Variants in C5orf47 observed in about 807,000 individuals in gnomAD.
The protein encoded by C5orf47 is chromosome 5 open reading frame 47.
A neutral mutation model predicts 20.6 loss-of-function variants in C5orf47; 20 were observed. The ratio of observed to expected loss-of-function variants is 0.97; its 90% CI spans 0.68 to 1.41. C5orf47 has a LOEUF of 1.41. Ranked by LOEUF, C5orf47 falls within the 40% of genes most tolerant of loss-of-function variation. The probability of loss-of-function intolerance (pLI) is 0.00; values close to 1 mark genes in which losing one functional copy is unlikely to be tolerated. For synonymous variants in C5orf47, 106 were observed against 97.3 expected, an observed-to-expected ratio of 1.09 and a Z score of -0.53; for missense variants, 262 against 238.4, an observed-to-expected ratio of 1.10 and a Z score of -0.65.
chr5:173,997,274 A>G (rs891719377), intron 1 of C5orf47, among the ~76,000 whole-genome samples: 2 of 152,150 alleles, frequency 1.3e-5, no homozygotes, highest in Non-Finnish European at 1.5e-5. Flanking sequence ...AAGGTGGGGA[A>G]GGGTTGAGGT....
At chr5:174,007,579 AC>A (rs1182303816), downstream of C5orf47, among the ~76,000 whole-genome samples, 4 of 121,938 alleles carry the variant, frequency 3.3e-5, no homozygotes, top group African/African-American at 7.7e-5. Context: ...TTTTTTTGAG[AC>A]GGAGTCTCGC....
intron 1 of C5orf47, among the ~76,000 whole-genome samples, chr5:173,990,657 C>T (rs1261645210): frequency 6.6e-6 from 1 of 151,972 alleles, no homozygotes; most frequent in Non-Finnish European, 1.5e-5. Flanking sequence ...AGGTTGATCT[C>T]GAAATCTTGA....
At chr5:173,998,858 T>G (rs1759145911) in intron 2 of C5orf47, among the ~76,000 whole-genome samples, 2 of 152,214 alleles carry the variant, frequency 1.3e-5, no homozygotes, top group African/African-American at 2.4e-5. Flanking sequence ...TTGTGTTGTT[T>G]CTGAGCTTTG....
chr5:174,003,777 A>G (rs1187969974), intron 4 of C5orf47, among the ~76,000 whole-genome samples: 1 of 152,172 alleles, frequency 6.6e-6, no homozygotes, highest in Non-Finnish European at 1.5e-5. Context: ...GGAGACATGA[A>G]ATTCGCAGGA....
chr5:174,001,084 AATT>A, intron 3 of C5orf47, 109 bp from the exon 4 acceptor site: 2 of 714,192 alleles, frequency 2.8e-6, no homozygotes, highest in Non-Finnish European at 4.8e-6. Context: ...TAAAACTAAT[AATT>A]ATGTTTAAAA....
downstream of C5orf47, among the ~76,000 whole-genome samples, chr5:174,007,545 G>A: frequency 6.7e-6 from 1 of 149,814 alleles, no homozygotes; most frequent in African/African-American, 2.5e-5. Flanking sequence ...TCAGGGCTAT[G>A]TTAACTCTCC....
At chr5:174,006,860 A>T (rs1759300016), downstream of C5orf47, among the ~76,000 whole-genome samples, 2 of 152,234 alleles carry the variant, frequency 1.3e-5, no homozygotes, top group African/African-American at 4.8e-5. Flanking sequence ...ATTGACTGAT[A>T]GCCCAGCTGT....
intron 1 of C5orf47, among the ~76,000 whole-genome samples, chr5:173,991,608 T>G (rs1357517385): frequency 6.6e-6 from 1 of 152,142 alleles, no homozygotes; most frequent in Non-Finnish European, 1.5e-5. Flanking sequence ...TAATATGGAA[T>G]GTAATATAAA....
chr5:174,006,341 G>A (rs141110564), downstream of C5orf47, among the ~76,000 whole-genome samples: 370 of 152,340 alleles, frequency 2.4e-3, no homozygotes, highest in Non-Finnish European at 4.2e-3. Context: ...GTTGTGCAGG[G>A]AAGGGAGGGA....
At chr5:174,000,792 G>T (rs965414731) in intron 3 of C5orf47, among the ~76,000 whole-genome samples, 2 of 152,036 alleles carry the variant, frequency 1.3e-5, no homozygotes, top group Non-Finnish European at 2.9e-5. Context: ...GGTGGGGGGT[G>T]GATAGGAAAA....
Position 174,005,924 on chromosome 5 carries a change from G to A in C5orf47, c.*1670G>A, listed in dbSNP as rs894113450. 2.6e-5 allele frequency: 4 copies of A among 152,212 alleles called. No individual in the cohort carries two copies. Among genetic ancestry groups the A allele is most frequent in the Admixed American group, 6.6e-5 (1 of 15,238 alleles). The allele number at this position is 152,212 out of a possible 1,614,324, so 9.4% of individuals were successfully genotyped here. A position where few individuals can be genotyped will look rare whatever the true frequency, so the allele number is the denominator to read the frequency against. On this transcript the variant is annotated 3_prime_UTR_variant, in exon 5 of 5. Coordinates refer to ENST00000340147, the MANE Select transcript of C5orf47 (RefSeq NM_001144954.2). ...AATGAAGACTCCCACTGAAATGAAT[G>A]TTCTAAATATTTGTTCTAAATCTTT...
At chr5:174,001,695 A>G (rs951732424) in intron 4 of C5orf47, among the ~76,000 whole-genome samples, 1 of 151,964 alleles carries the variant, frequency 6.6e-6, no homozygotes, top group Non-Finnish European at 1.5e-5. Flanking sequence ...CTCACTTACC[A>G]TATTTACCTT....
At position 173,989,440 on chromosome 5, in the gene C5orf47, G is replaced by A; in HGVS notation, c.177G>A (p.Ala59=). 6.5e-7 allele frequency: 1 copy of A among 1,549,600 alleles called. No homozygotes were observed. Among genetic ancestry groups the A allele is most frequent in the Non-Finnish European group, 8.7e-7 (1 of 1,146,010 alleles). ...AGGAGAAGCCGAGGGAAGCAATGGC[G>A]GTGGCGGGCGTTCAGGGTGGCAGCG... is the stretch of plus-strand genomic sequence containing the variant. ...CRQEKPREAM[A]VAGVQGGSEL... Residue 59 remains alanine, a synonymous_variant, in exon 1 of 5, where the codon GCG becomes GCA. Coordinates refer to ENST00000340147, the MANE Select transcript of C5orf47 (RefSeq NM_001144954.2).
At chr5:173,994,790 T>G (rs978101167) in intron 1 of C5orf47, among the ~76,000 whole-genome samples, 6 of 152,266 alleles carry the variant, frequency 3.9e-5, no homozygotes, top group African/African-American at 1.4e-4. Context: ...TAGGTTTTAC[T>G]CAGTCTTGGG....
rs1759189729 is a variant in C5orf47, at chr5:174,001,196, G to A, written c.512G>A (p.Ser171Asn). The change falls in exon 4 of 5, where the codon AGC (serine) becomes AAC (asparagine). Residue 171 changes from serine (S) to asparagine (N), a missense_variant and splice_region_variant. By Grantham distance (46) the Ser-to-Asn change is conservative. Transcript: ENST00000340147. ...TCCTTATTTTTTATGTTGTTTGCAG[G>A]CTCAAATTACACAAGATGAATCTTC... ...RLKCQRLSSE[S>N]SNYTR 1.3e-6 allele frequency: 2 copies of A among 1,517,108 alleles called. No individual in the cohort carries two copies. The highest frequency in any genetic ancestry group is 1.8e-6 in the Non-Finnish European group (2 of 1,119,840). 94.0% of individuals were successfully genotyped at this position (1,517,108 alleles called of 1,614,324 possible).
At chr5:174,001,551 ATCT>A (rs1052841405) in intron 4 of C5orf47, among the ~76,000 whole-genome samples, 7 of 151,926 alleles carry the variant, frequency 4.6e-5, no homozygotes, top group Non-Finnish European at 7.4e-5. Flanking sequence ...TGAGGGCAGA[ATCT>A]TCTTCTTTTC....
chr5:174,007,404 G>A (rs981865693), downstream of C5orf47, among the ~76,000 whole-genome samples: 1 of 152,196 alleles, frequency 6.6e-6, no homozygotes, highest in African/African-American at 2.4e-5. Flanking sequence ...TTGCTAGACA[G>A]TTGCCATTGT....
At position 173,999,200 on chromosome 5, in the gene C5orf47, A is replaced by G. The variant is rs112571625; in HGVS notation, c.412-500A>G. Among the ~76,000 whole-genome samples the G allele has an allele frequency of 8.3e-3, 1,265 of 152,246 alleles. 17 individuals are homozygous for G. The highest frequency in any genetic ancestry group is 0.029 in the African/African-American group (1,197 of 41,560). On this transcript the variant is annotated intron_variant, in intron 2 of 4. Coordinates refer to ENST00000340147, the MANE Select transcript of C5orf47 (RefSeq NM_001144954.2). ...AAAGCTAGAATTTGAGCCTAGATCTATTTGTTTGATTCTATAATCCTTGTT... is the reference window on the plus strand; with the variant it reads ...AAAGCTAGAATTTGAGCCTAGATCTGTTTGTTTGATTCTATAATCCTTGTT...
chr5:173,999,872 G>C, intron 3 of C5orf47, 73 bp downstream of exon 3: 1 of 720,680 alleles, frequency 1.4e-6, no homozygotes, highest in South Asian at 2.0e-5. Flanking sequence ...GGGATTGCAT[G>C]AGATCAGTAG....
Sources: allele counts gnomAD v4.1 joint callset (sites outside exome capture counted in the v4.1 genomes callset), GRCh38; gene constraint gnomAD v4.1.1; transcripts MANE v1.5; gene names NCBI Gene and HGNC (gene_info 2026-07-23, HGNC 2026-07-21).